The following PPP2R2B variants were observed in gnomAD, a reference collection of about 807,000 sequenced individuals.
The protein encoded by PPP2R2B is protein phosphatase 2 regulatory subunit Bbeta.
PPP2R2B carries 5 observed loss-of-function variants against 46.0 expected under a neutral mutation model. That is an observed-to-expected ratio of 0.11 (90% CI 0.06 to 0.23). PPP2R2B has a LOEUF of 0.23. Among genes scored for constraint, PPP2R2B ranks in the 10% least tolerant of loss-of-function variants. PPP2R2B has a pLI of 1.00. For synonymous variants in PPP2R2B, 215 were observed against 206.7 expected (o/e 1.04, Z -0.34); for missense variants, 367 against 575.0 (o/e 0.64, Z 3.70).
intron 2 of PPP2R2B, among the ~76,000 whole-genome samples, chr5:147,068,091 A>G (rs547142669): frequency 1.8e-4 from 27 of 152,308 alleles, no homozygotes; most frequent in African/African-American, 6.5e-4. Flanking sequence ...AATATTAAAT[A>G]TTAAAAAAAT....
At chr5:146,991,295 A>G (rs1269519083) in intron 1 of PPP2R2B, among the ~76,000 whole-genome samples, 5 of 152,198 alleles carry the variant, frequency 3.3e-5, no homozygotes, top group South Asian at 2.1e-4. Context: ...AGCACTATTC[A>G]TAATAGCCAA....
At chr5:146,924,306 C>G (rs1389125642) in intron 1 of PPP2R2B, among the ~76,000 whole-genome samples, 2 of 152,208 alleles carry the variant, frequency 1.3e-5, no homozygotes, top group Non-Finnish European at 2.9e-5. Context: ...ACAAGGACAA[C>G]TGCAACTGAA....
intron 2 of PPP2R2B, among the ~76,000 whole-genome samples, chr5:146,776,021 A>T (rs975243537): frequency 3.3e-5 from 5 of 152,118 alleles, no homozygotes; most frequent in African/African-American, 1.2e-4. Flanking sequence ...GGATGGGAAG[A>T]CTTAATACTG....
At chr5:146,652,046 G>C (rs531862542) in intron 5 of PPP2R2B, among the ~76,000 whole-genome samples, 1 of 152,246 alleles carries the variant, frequency 6.6e-6, no homozygotes, top group South Asian at 2.1e-4. Flanking sequence ...GAAGGGTCAG[G>C]GGTCCTCTGA....
At chr5:146,636,225 G>A (rs771932767) in intron 7 of PPP2R2B, among the ~76,000 whole-genome samples, 56 of 152,166 alleles carry the variant, frequency 3.7e-4, no homozygotes, top group South Asian at 4.2e-4. Flanking sequence ...TTCTCCAACC[G>A]GGGTACCTGT....
intron 2 of PPP2R2B, among the ~76,000 whole-genome samples, chr5:146,708,661 TAC>T (rs1201526993): frequency 6.6e-6 from 1 of 152,136 alleles, no homozygotes; most frequent in East Asian, 1.9e-4. Flanking sequence ...GCTGTGTAGA[TAC>T]AGTGTCTCTA....
chr5:146,615,634 A>G (rs944206852), intron 7 of PPP2R2B, among the ~76,000 whole-genome samples: 5 of 151,994 alleles, frequency 3.3e-5, no homozygotes, highest in African/African-American at 9.7e-5. Flanking sequence ...AAGAAATTAA[A>G]CCCATTTACA....
chr5:146,772,994 A>T (rs1216781821), intron 2 of PPP2R2B, among the ~76,000 whole-genome samples: 1 of 152,184 alleles, frequency 6.6e-6, no homozygotes, highest in Non-Finnish European at 1.5e-5. Context: ...GCACTCAATA[A>T]ACATCACAAA....
intron 1 of PPP2R2B, among the ~76,000 whole-genome samples, chr5:146,978,685 T>G (rs1323930787): frequency 6.6e-6 from 1 of 152,180 alleles, no homozygotes; most frequent in Non-Finnish European, 1.5e-5. Context: ...GTTGTAGATG[T>G]GTGGTGTTAT....
intron 2 of PPP2R2B, among the ~76,000 whole-genome samples, chr5:147,079,445 C>CATATATAT (rs58393815): frequency 0.025 from 3,297 of 132,204 alleles, 77 homozygotes; most frequent in South Asian, 0.071. Context: ...TATATATATA[C>CATATATAT]ATATATATAT....
intron 5 of PPP2R2B, among the ~76,000 whole-genome samples, chr5:146,688,744 G>A (rs576035438): frequency 2.6e-5 from 4 of 152,184 alleles, no homozygotes; most frequent in Non-Finnish European, 5.9e-5. Flanking sequence ...TCTCCCAGGG[G>A]TTAAGCACAG....
chr5:147,036,555 G>A (rs1186148471), intron 1 of PPP2R2B, among the ~76,000 whole-genome samples: 2 of 152,126 alleles, frequency 1.3e-5, no homozygotes. Context: ...TGAGTCAAAT[G>A]GTAGTTCTGC....
At chr5:146,927,526 A>G (rs752501531) in intron 1 of PPP2R2B, among the ~76,000 whole-genome samples, 6 of 152,200 alleles carry the variant, frequency 3.9e-5, no homozygotes, top group Non-Finnish European at 8.8e-5. Flanking sequence ...ATCTATCCTT[A>G]GGCTTGTGGC....
intron 5 of PPP2R2B, among the ~76,000 whole-genome samples, chr5:146,669,517 T>C (rs1777208384): frequency 1.3e-5 from 2 of 151,978 alleles, no homozygotes; most frequent in African/African-American, 4.8e-5. Context: ...TATTATTCTA[T>C]ATAGAGTTAA....
At chr5:146,784,005 C>T (rs1755691067) in intron 2 of PPP2R2B, among the ~76,000 whole-genome samples, 1 of 152,138 alleles carries the variant, frequency 6.6e-6, no homozygotes. Flanking sequence ...CAAAACTTGG[C>T]ACACAAAGGA....
chr5:146,819,002 T>A (rs1201882293), intron 2 of PPP2R2B, among the ~76,000 whole-genome samples: 1 of 152,220 alleles, frequency 6.6e-6, no homozygotes, highest in Non-Finnish European at 1.5e-5. Context: ...ACAGATGGCC[T>A]TCTCTGCATT....
Position 146,926,560 on chromosome 5 carries a change from C to T in PPP2R2B, c.79+129105G>A, listed in dbSNP as rs559753839. Among the ~76,000 whole-genome samples the T allele has an allele frequency of 5.9e-5, 9 of 152,056 alleles. No individual in the cohort carries two copies. In the South Asian group the frequency reaches 1.9e-3, roughly 32 times the overall value. On this transcript the variant is annotated intron_variant, in intron 1 of 8. Transcript: ENST00000336640. ...GCTCCGATTTTATTTTTAAACTTGG[C>T]TTGCTAGAGGTTGCTCCTGTGTCTG...
intron 1 of PPP2R2B, among the ~76,000 whole-genome samples, chr5:147,043,961 T>C (rs917621740): frequency 1.3e-5 from 2 of 149,366 alleles, no homozygotes; most frequent in Non-Finnish European, 2.9e-5. Context: ...TTGGGCAACT[T>C]ACTTATCTTT....
intron 2 of PPP2R2B, among the ~76,000 whole-genome samples, chr5:146,835,530 C>T (rs1759228240): frequency 6.6e-6 from 1 of 152,154 alleles, no homozygotes. Flanking sequence ...ATCACTGCTT[C>T]ACACCCCTCC....
Sources: gnomAD v4.1 joint callset for allele counts (sites outside exome capture counted in the v4.1 genomes callset) on GRCh38, gnomAD v4.1.1 for gene constraint, MANE v1.5 for transcripts, NCBI Gene and HGNC (gene_info 2026-07-23, HGNC 2026-07-21) for gene names.